The following CCDC91 variants were observed in gnomAD, a reference collection of about 807,000 sequenced individuals.
CCDC91 encodes coiled-coil domain containing 91.
In CCDC91, 48 loss-of-function variants were observed where a neutral mutation model predicts 63.2. That is an observed-to-expected ratio of 0.76 (90% CI 0.60 to 0.97). CCDC91 has a LOEUF of 0.97. CCDC91 is among the 50% of genes least tolerant of loss of function. The pLI is 0.00. For synonymous variants in CCDC91, 167 were observed against 165.8 expected (o/e 1.01, Z -0.06); for missense variants, 500 against 494.6 (o/e 1.01, Z -0.10).
chr12:28,306,802 G>A lies in CCDC91; in HGVS notation c.328G>A (p.Glu110Lys), dbSNP rs760517682. 8 of 1,611,794 alleles carry A rather than the reference G, an allele frequency of 5.0e-6. No individual in the cohort carries two copies. The highest frequency in any genetic ancestry group is 1.1e-5 in the South Asian group (1 of 91,016). ...ACTTTTTCCATTGGGTTTAACTGAT[G>A]AAAAAAGTAATGGAACAATTGCCCT... ...ISLFPLGLTD[E>K]KSNGTIALVD... Residue 110 changes from glutamate to lysine, a missense_variant, in exon 5 of 13, where the codon GAA becomes AAA. Transcript: ENST00000536442.
At chr12:28,305,578 C>T in intron 3 of CCDC91, 71 bp from the exon 4 acceptor site, 1 of 1,323,854 alleles carries the variant, frequency 7.6e-7, no homozygotes, top group Non-Finnish European at 1.0e-6. Context: ...CTCTTTCTTC[C>T]TTTCAACCTG....
intron 1 of CCDC91, among the ~76,000 whole-genome samples, chr12:28,233,536 A>T (rs1944744563): frequency 6.6e-6 from 1 of 152,298 alleles, no homozygotes; most frequent in Admixed American, 6.5e-5. Flanking sequence ...AATACCTACA[A>T]TATCCTTTTT....
At chr12:28,375,777 GAAC>G (rs1448654539) in intron 7 of CCDC91, among the ~76,000 whole-genome samples, 1 of 151,840 alleles carries the variant, frequency 6.6e-6, no homozygotes, top group Non-Finnish European at 1.5e-5. Context: ...CTTTTGTCTT[GAAC>G]TTGTCATTCT....
At chr12:28,267,755 ATAATTATATATAATTATAT>A in intron 3 of CCDC91, among the ~76,000 whole-genome samples, 1 of 37,796 alleles carries the variant, frequency 2.6e-5, no homozygotes, top group African/African-American at 6.5e-5. Flanking sequence ...ATATTACTAT[ATAATTATATATAATTATAT>A]TATTAATATA....
At position 28,333,374 on chromosome 12, in the gene CCDC91, G is replaced by A. The variant is rs1941663747; in HGVS notation, c.576+25625G>A. Among the ~76,000 whole-genome samples the A allele has an allele frequency of 2.1e-5, 3 of 140,278 alleles. No homozygotes were observed. The South Asian group carries it at 6.8e-4, about 32-fold the overall frequency. 92.0% of individuals were successfully genotyped at this position (140,278 alleles called of 152,430 possible). A position where few individuals can be genotyped will look rare whatever the true frequency, so the allele number is the denominator to read the frequency against. ...TGCGCCATTGCACTCCAGCCTGGGT[G>A]ACAGAGCAAGACTCCATCTCAGAAA... On this transcript the variant is annotated intron_variant, in intron 6 of 12. Transcript: ENST00000536442.
At chr12:28,236,364 TAGC>T (rs1177882865) in intron 1 of CCDC91, 2 of 152,088 alleles carry the variant, frequency 1.3e-5, no homozygotes, top group Admixed American at 6.6e-5. Context: ...ATGTTTTGAA[TAGC>T]AGCATAAAAT....
At chr12:28,389,579 ATTATT>A (rs1202753618) in intron 7 of CCDC91, among the ~76,000 whole-genome samples, 2 of 152,060 alleles carry the variant, frequency 1.3e-5, no homozygotes, top group Admixed American at 6.6e-5. Flanking sequence ...GAGAGAGAAT[ATTATT>A]TTATTTTATT....
intron 12 of CCDC91, among the ~76,000 whole-genome samples, chr12:28,491,035 A>T (rs1055907519): frequency 4.6e-5 from 7 of 151,830 alleles, no homozygotes; most frequent in African/African-American, 1.7e-4. Context: ...TTAAAATCAA[A>T]ATGTAAATTT....
intron 12 of CCDC91, among the ~76,000 whole-genome samples, chr12:28,509,715 T>C (rs1939156883): frequency 6.6e-6 from 1 of 151,902 alleles, no homozygotes; most frequent in Non-Finnish European, 1.5e-5. Flanking sequence ...ACTATTCGAA[T>C]GAAAATATTT....
rs1946906809 is a variant in CCDC91, at chr12:28,405,923, T to C, written c.762+14512T>C. On this transcript the variant is annotated intron_variant, in intron 8 of 12. Coordinates refer to ENST00000536442, the MANE Select transcript of CCDC91 (RefSeq NM_018318.5). The stretch of plus-strand genomic sequence containing the variant: ...ACATATAGTTATAATGTCTATGTAA[T>C]GTCCATTCAGTAGTATGTTTTGTAA... 2.0e-5 allele frequency among the ~76,000 whole-genome samples: 3 copies of C among 151,220 alleles called. No individual in the cohort carries two copies. The East Asian group carries it at 5.8e-4, about 29-fold the overall frequency.
intron 6 of CCDC91, among the ~76,000 whole-genome samples, chr12:28,346,027 T>C (rs903597588): frequency 6.6e-6 from 1 of 152,204 alleles, no homozygotes. Context: ...CATGCAATTT[T>C]TTTTTGGCTA....
chr12:28,394,141 G>A (rs142671837), intron 8 of CCDC91, among the ~76,000 whole-genome samples: 9 of 152,248 alleles, frequency 5.9e-5, no homozygotes, highest in South Asian at 2.1e-4. Context: ...GATTATAAGC[G>A]GTTCAGTATG....
intron 3 of CCDC91, among the ~76,000 whole-genome samples, chr12:28,276,921 T>A (rs1394674879): frequency 2.0e-5 from 3 of 152,062 alleles, no homozygotes; most frequent in Middle Eastern, 3.4e-3. Flanking sequence ...AAATTTCAGC[T>A]GTTTGTATTA....
chr12:28,475,312 A>G (rs768454394), intron 11 of CCDC91, among the ~76,000 whole-genome samples: 5 of 152,128 alleles, frequency 3.3e-5, no homozygotes, highest in Non-Finnish European at 5.9e-5. Context: ...TGTAGGATAC[A>G]TGAACTCACA....
chr12:28,296,648 T>C (rs1949581257), intron 3 of CCDC91, among the ~76,000 whole-genome samples: 1 of 151,876 alleles, frequency 6.6e-6, no homozygotes, highest in African/African-American at 2.4e-5. Context: ...TATAAACATA[T>C]ACATTATATA....
chr12:28,363,996 A>G (rs573467587), intron 7 of CCDC91, among the ~76,000 whole-genome samples: 1 of 151,804 alleles, frequency 6.6e-6, no homozygotes, highest in Non-Finnish European at 1.5e-5. Context: ...GGGTATTAAA[A>G]TAGTCTACTA....
At chr12:28,409,931 G>A (rs1947212642) in intron 8 of CCDC91, among the ~76,000 whole-genome samples, 1 of 151,946 alleles carries the variant, frequency 6.6e-6, no homozygotes, top group Non-Finnish European at 1.5e-5. Flanking sequence ...ACATTTTGAG[G>A]TTTCTTTTAT....
chr12:28,444,382 C>A lies in CCDC91; in HGVS notation c.763-5779C>A, dbSNP rs148718508. ...GAATGTAATATTTGTGAAAAATAAT[C>A]ACAAAATAAAATTTGGGCAGCCAGC... On this transcript the variant is annotated intron_variant, in intron 8 of 12. Transcript: ENST00000536442. Among the ~76,000 whole-genome samples, 96 of 152,122 alleles carry A rather than the reference C, an allele frequency of 6.3e-4. 1 individual carries two copies. The highest frequency in any genetic ancestry group is 6.8e-3 in the Middle Eastern group (2 of 294).
intron 7 of CCDC91, among the ~76,000 whole-genome samples, chr12:28,377,063 C>CCTACTGTGAGATGCCT (rs1374547924): frequency 3.3e-5 from 5 of 150,804 alleles, no homozygotes; most frequent in African/African-American, 4.9e-5. Flanking sequence ...TTTTGTTTTG[C>CCTACTGTGAGATGCCT]TACTGTGTAA....
Sources: gnomAD v4.1 joint callset for allele counts (sites outside exome capture counted in the v4.1 genomes callset) on GRCh38, gnomAD v4.1.1 for gene constraint, MANE v1.5 for transcripts, NCBI Gene and HGNC (gene_info 2026-07-23, HGNC 2026-07-21) for gene names.